The following TTC39B variants were observed in gnomAD, a reference collection of about 807,000 sequenced individuals.
TTC39B encodes the protein tetratricopeptide repeat protein 39B.
In TTC39B, 92 loss-of-function variants were observed where a neutral mutation model predicts 96.6. The ratio of observed to expected loss-of-function variants is 0.95; its 90% confidence interval spans 0.80 to 1.13. TTC39B has a LOEUF of 1.13. TTC39B is among the 50% of genes most tolerant of loss of function. The pLI, the probability that TTC39B is intolerant of heterozygous loss-of-function variation, is 0.00. For missense variants in TTC39B, 955 were observed against 809.3 expected (o/e 1.18, Z -2.18); for synonymous variants, 367 against 299.4 (o/e 1.23, Z -2.33).
chr9:15,292,714 TA>T, intron 1 of TTC39B, among the ~76,000 whole-genome samples: 1 of 152,206 alleles, frequency 6.6e-6, no homozygotes, highest in East Asian at 1.9e-4. Flanking sequence ...TCTTAGTTCT[TA>T]AAAAAAGTTT....
intron 1 of TTC39B, among the ~76,000 whole-genome samples, chr9:15,272,936 A>G (rs2131562325): frequency 6.6e-6 from 1 of 152,276 alleles, no homozygotes; most frequent in East Asian, 1.9e-4. Flanking sequence ...CTCCTGGGAG[A>G]TCAGCCTGAA....
chr9:15,297,610 C>T (rs989667160), intron 1 of TTC39B, among the ~76,000 whole-genome samples: 2 of 152,158 alleles, frequency 1.3e-5, no homozygotes, highest in African/African-American at 4.8e-5. Context: ...GGGATCCACA[C>T]CATATCTTAC....
chr9:15,289,424 C>G (rs1394847458), intron 1 of TTC39B, among the ~76,000 whole-genome samples: 2 of 152,150 alleles, frequency 1.3e-5, no homozygotes, highest in African/African-American at 2.4e-5. Flanking sequence ...TAAAGTATGC[C>G]AGGCACTGAG....
intron 17 of TTC39B, among the ~76,000 whole-genome samples, chr9:15,180,427 G>A (rs962463748): frequency 6.6e-6 from 1 of 152,160 alleles, no homozygotes; most frequent in Non-Finnish European, 1.5e-5. Flanking sequence ...CTGACTCCAG[G>A]GATGTCACCA....
At chr9:15,255,613 A>G (rs1822723827) in intron 2 of TTC39B, among the ~76,000 whole-genome samples, 1 of 152,162 alleles carries the variant, frequency 6.6e-6, no homozygotes, top group Admixed American at 6.5e-5. Context: ...TGTCAGGTGA[A>G]ACAGGGTAAA....
chr9:15,251,475 T>C (rs1459961838), intron 2 of TTC39B, among the ~76,000 whole-genome samples: 2 of 151,640 alleles, frequency 1.3e-5, no homozygotes, highest in African/African-American at 4.8e-5. Flanking sequence ...GGCAGGAGAA[T>C]CACTTGAACT....
chr9:15,261,005 T>C (rs2131534214), intron 2 of TTC39B, among the ~76,000 whole-genome samples: 1 of 152,314 alleles, frequency 6.6e-6, no homozygotes, highest in South Asian at 2.1e-4. Context: ...AGACCACTGC[T>C]GAGAATATAT....
chr9:15,170,255 C>G (rs1817605069), exon 20 of TTC39B: 3 of 50,918 alleles, frequency 5.9e-5, no homozygotes, highest in Admixed American at 5.6e-4. Context: ...AGAAAACAAG[C>G]CACACACTGC....
chr9:15,235,023 C>CAATAAATATATAAATAAATAAATA (rs144388307), intron 2 of TTC39B, among the ~76,000 whole-genome samples: 51 of 145,136 alleles, frequency 3.5e-4, no homozygotes, highest in Non-Finnish European at 5.7e-4. Context: ...CAAGAATGAT[C>CAATAAATATATAAATAAATAAATA]AATAAATAAA....
chr9:15,187,197 C>T (rs1028412878), intron 14 of TTC39B, among the ~76,000 whole-genome samples, 162 bp from the exon 15 acceptor site: 3 of 152,182 alleles, frequency 2.0e-5, no homozygotes, highest in Non-Finnish European at 4.4e-5. Flanking sequence ...ATGACAACAA[C>T]TCTTTTCAAT....
exon 20 of TTC39B, chr9:15,170,205 GA>G (rs1817603930): frequency 1.2e-4 from 1 of 8,674 alleles, no homozygotes; most frequent in Non-Finnish European, 1.9e-4. Flanking sequence ...TCTTTCATTG[GA>G]TATACATCCT....
chr9:15,257,926 G>C (rs1822814411), intron 2 of TTC39B, among the ~76,000 whole-genome samples: 1 of 152,114 alleles, frequency 6.6e-6, no homozygotes, highest in Non-Finnish European at 1.5e-5. Flanking sequence ...GGGCACGGTG[G>C]CGGGCGCCTG....
chr9:15,307,167 A>C, exon 1 of TTC39B: 1 of 1,599,348 alleles, frequency 6.3e-7, no homozygotes. Flanking sequence ...CAAGCAGGGA[A>C]CTCAGAGCCG....
rs1310842809 is a variant in TTC39B at position 15,191,038 on chromosome 9, A to C, written c.996+152T>G. The C allele has an allele frequency of 4.6e-6, 3 of 652,360 alleles. No individual in the cohort carries two copies. The East Asian group carries it at 8.4e-5, about 18-fold the overall frequency. The allele number at this position is 652,360 out of a possible 1,614,324, so 40.4% of individuals were successfully genotyped here. On this transcript the variant is annotated intron_variant, in intron 10 of 19. Coordinates refer to ENST00000512701, the Ensembl canonical transcript of TTC39B. ...AAAAACTATGTCTAAGTCCTGAAAA[A>C]CATGATCAAGAATCAAAGGCTTATT...
At chr9:15,251,985 T>G (rs1480855499) in intron 2 of TTC39B, among the ~76,000 whole-genome samples, 4 of 151,822 alleles carry the variant, frequency 2.6e-5, no homozygotes, top group Non-Finnish European at 5.9e-5. Context: ...CCCCTGGAGC[T>G]CTCAGTCCAG....
At chr9:15,202,883 A>C (rs1355461677) in intron 7 of TTC39B, among the ~76,000 whole-genome samples, 2 of 152,228 alleles carry the variant, frequency 1.3e-5, no homozygotes, top group East Asian at 3.8e-4. Flanking sequence ...TATGTTTTAC[A>C]GAAGCATTGG....
intron 1 of TTC39B, among the ~76,000 whole-genome samples, chr9:15,291,165 T>G (rs1054980311): frequency 6.6e-5 from 10 of 152,202 alleles, no homozygotes; most frequent in Admixed American, 6.5e-4. Flanking sequence ...GAATAATTTG[T>G]TCCATTTGTG....
At chr9:15,177,265 C>A (rs1403024771) in intron 18 of TTC39B, among the ~76,000 whole-genome samples, 2 of 151,948 alleles carry the variant, frequency 1.3e-5, no homozygotes, top group Non-Finnish European at 2.9e-5. Flanking sequence ...CTCAGGAGTT[C>A]CAGGCTGCAG....
intron 7 of TTC39B, among the ~76,000 whole-genome samples, chr9:15,200,519 A>G (rs1393035473): frequency 6.6e-6 from 1 of 152,216 alleles, no homozygotes; most frequent in Non-Finnish European, 1.5e-5. Context: ...TCTGATTGTC[A>G]TCGACCATAA....
Sources: allele counts gnomAD v4.1 joint callset (sites outside exome capture counted in the v4.1 genomes callset), GRCh38; gene constraint gnomAD v4.1.1; transcripts MANE v1.5; gene names NCBI Gene and HGNC (gene_info 2026-07-23, HGNC 2026-07-21).